The following KLC2 variants were observed in gnomAD, a reference collection of about 807,000 sequenced individuals.
KLC2 encodes kinesin light chain 2.
A neutral mutation model predicts 75.1 loss-of-function variants in KLC2; 35 were observed. The observed-to-expected ratio is 0.47, with a 90% CI of 0.36 to 0.62. KLC2 has a LOEUF of 0.62. Among genes scored for constraint, KLC2 ranks in the 20% least tolerant of loss-of-function variants. The pLI, the probability that KLC2 is intolerant of heterozygous loss-of-function variation, is 0.00. For synonymous variants in KLC2, 314 were observed against 336.7 expected, an observed-to-expected ratio of 0.93 and a Z score of 0.74; for missense variants, 611 against 833.2, an observed-to-expected ratio of 0.73 and a Z score of 3.28.
chr11:66,252,324 C>T (rs1214074927), upstream of KLC2, among the ~76,000 whole-genome samples: 1 of 152,160 alleles, frequency 6.6e-6, no homozygotes, highest in African/African-American at 2.4e-5. Flanking sequence ...CTCGCTCTGT[C>T]CCCCAGGCTG....
At chr11:66,247,548 C>T in the KLC2 span, among the ~76,000 whole-genome samples, 2 of 152,326 alleles carry the variant, frequency 1.3e-5, no homozygotes, top group South Asian at 4.1e-4. Flanking sequence ...CTGCTGCCCT[C>T]AGGCCCGTGT....
chr11:66,267,193 G>A lies in KLC2; in HGVS notation c.*237G>A, dbSNP rs796472372. The A allele has an allele frequency of 6.5e-7, 1 of 1,549,638 alleles. No individual in the cohort carries two copies. The highest frequency in any genetic ancestry group is 8.7e-7 in the Non-Finnish European group (1 of 1,146,418). On this transcript the variant is annotated 3_prime_UTR_variant, in exon 16 of 16. Transcript: ENST00000394067. ...CAGCAGGGCCCTCTTCCCTAGGTTC[G>A]GGCCAGCAGGAGGTGCCGGCTGGAG...
At position 66,267,060 on chromosome 11, in the gene KLC2, C is replaced by T; in HGVS notation, c.*104C>T. On this transcript the variant is annotated 3_prime_UTR_variant, in exon 16 of 16. Coordinates refer to ENST00000394067, the MANE Select transcript of KLC2 (RefSeq NM_001318734.2). ...TTGTCCCGCCTGTCTCTCCCACAGC[C>T]CCTGTCTTTTCTGTTCAATCTCAGG... 6.4e-7 allele frequency: 1 copy of T among 1,573,138 alleles called. No individual in the cohort carries two copies.
intron 9 of KLC2, chr11:66,264,715 GC>G: frequency 1.7e-6 from 1 of 583,472 alleles, no homozygotes; most frequent in Non-Finnish European, 3.1e-6. Context: ...TTGAGGGCCT[GC>G]CCCAGTGTCT....
the KLC2 span, among the ~76,000 whole-genome samples, chr11:66,250,963 C>T: frequency 6.6e-6 from 1 of 152,204 alleles, no homozygotes; most frequent in African/African-American, 2.4e-5. Flanking sequence ...GGGGAGCTGG[C>T]GAAGGGACCT....
intron 5 of KLC2, 25 bp downstream of exon 5, chr11:66,263,061 A>G (rs1457148083): frequency 1.3e-6 from 2 of 1,563,158 alleles, no homozygotes; most frequent in South Asian, 1.1e-5. Context: ...GGGGTGCCCA[A>G]ATTCTTCTGG....
At chr11:66,262,256 C>A in intron 4 of KLC2, 64 bp downstream of exon 4, 2 of 1,303,118 alleles carry the variant, frequency 1.5e-6, no homozygotes, top group Non-Finnish European at 2.2e-6. Flanking sequence ...TCCTTGGGAC[C>A]GAGTGGCTGC....
Position 66,263,176 on chromosome 11 carries a change from G to GT in KLC2, c.752+141dup, listed in dbSNP as rs945750246. 3.4e-5 allele frequency: 22 copies of GT among 641,750 alleles called. No individual in the cohort carries two copies. In the Admixed American group the frequency reaches 4.7e-4, roughly 14 times the overall value. The allele number at this position is 641,750 out of a possible 1,614,324, so 39.8% of individuals were successfully genotyped here. On this transcript the variant is annotated intron_variant, in intron 5 of 15. Transcript: ENST00000394067. ...ACAGATGCAAGTAAAACTGTCTAGT[G>GT]TAAGAGAGAGGCTTGGCCAGAACTG...
chr11:66,266,277 A>C, intron 14 of KLC2, 60 bp downstream of exon 14: 1 of 1,552,954 alleles, frequency 6.4e-7, no homozygotes, highest in Admixed American at 1.8e-5. Context: ...TGAGCTCCTG[A>C]CCCAGAGTGT....
In KLC2 at chr11:66,264,388, C is replaced by A; in HGVS notation, c.1160C>A (p.Thr387Asn). The A allele has an allele frequency of 6.2e-7, 1 of 1,613,678 alleles. No individual in the cohort carries two copies. Among genetic ancestry groups the A allele is most frequent in the Non-Finnish European group, 8.5e-7 (1 of 1,179,846 alleles). ...CAGGGCAAGTACCAGGATGCGGAGA[C>A]CTTGTACAAGGAGATCCTCACCCGC... is the stretch of plus-strand genomic sequence containing the variant. ...LKQGKYQDAE[T>N]LYKEILTRAH... Residue 387 changes from threonine to asparagine, a missense_variant, in exon 9 of 16, where the codon ACC becomes AAC. Coordinates refer to ENST00000394067, the MANE Select transcript of KLC2 (RefSeq NM_001318734.2).
upstream of KLC2, among the ~76,000 whole-genome samples, chr11:66,253,605 G>A (rs542830046): frequency 7.9e-5 from 12 of 152,358 alleles, no homozygotes; most frequent in African/African-American, 2.9e-4. Context: ...TCAGCAGCCT[G>A]GCATGAGATC....
At chr11:66,252,514 C>A (rs1255451332), upstream of KLC2, among the ~76,000 whole-genome samples, 1 of 152,178 alleles carries the variant, frequency 6.6e-6, no homozygotes, top group East Asian at 1.9e-4. Flanking sequence ...CCCCCCGCCT[C>A]GGCCTCCCAA....
intron 1 of KLC2, chr11:66,258,338 G>C: frequency 1.9e-6 from 1 of 535,838 alleles, no homozygotes; most frequent in South Asian, 2.1e-5. Context: ...AGCCGCCTAA[G>C]TCGGCCTGAG....
chr11:66,249,833 C>T, the KLC2 span, among the ~76,000 whole-genome samples: 3 of 152,122 alleles, frequency 2.0e-5, no homozygotes, highest in African/African-American at 7.2e-5. Context: ...ACTCATCCTG[C>T]GCCGCCCCTC....
At position 66,267,753 on chromosome 11, in the gene KLC2, G is replaced by A; in HGVS notation, c.*797G>A. The A allele has an allele frequency of 2.2e-6, 1 of 459,082 alleles. No individual in the cohort carries two copies. The highest frequency in any genetic ancestry group is 3.8e-6 in the Non-Finnish European group (1 of 261,706). The allele number at this position is 459,082 out of a possible 1,614,324, so 28.4% of individuals were successfully genotyped here. On this transcript the variant is annotated 3_prime_UTR_variant, in exon 16 of 16. Coordinates refer to ENST00000394067, the MANE Select transcript of KLC2 (RefSeq NM_001318734.2). ...CCCACGCCTGCAGCTTCTCGCGAGG[G>A]GCGGCGACGGTCCCCTGGTGGCAGG...
the KLC2 span, among the ~76,000 whole-genome samples, chr11:66,250,226 G>C: frequency 6.6e-6 from 1 of 152,212 alleles, no homozygotes; most frequent in Non-Finnish European, 1.5e-5. Context: ...ATTACCTGCA[G>C]CAAATGTCTC....
At chr11:66,261,484 T>C (rs943187808) in intron 2 of KLC2, 1 of 462,202 alleles carries the variant, frequency 2.2e-6, no homozygotes, top group Non-Finnish European at 3.9e-6. Flanking sequence ...GCACCCCAAC[T>C]AGCCCTTTTG....
At chr11:66,251,360 CG>C in the KLC2 span, among the ~76,000 whole-genome samples, 1 of 134,262 alleles carries the variant, frequency 7.4e-6, no homozygotes, top group African/African-American at 2.6e-5. Context: ...GGCATAGTGG[CG>C]GGCACCTGTA....
chr11:66,267,535 C>T lies in KLC2; in HGVS notation c.*579C>T, dbSNP rs1856925841. The T allele has an allele frequency of 6.1e-6, 4 of 655,302 alleles. No homozygotes were observed. The highest frequency in any genetic ancestry group is 2.8e-6 in the Non-Finnish European group (1 of 353,250). The allele number at this position is 655,302 out of a possible 1,614,324, so 40.6% of individuals were successfully genotyped here. A position where few individuals can be genotyped will look rare whatever the true frequency, so the allele number is the denominator to read the frequency against. On this transcript the variant is annotated 3_prime_UTR_variant, in exon 16 of 16. Coordinates refer to ENST00000394067, the MANE Select transcript of KLC2 (RefSeq NM_001318734.2). The stretch of plus-strand genomic sequence containing the variant: ...TGGGACCTTCTCGCGCTCCTCCTGG[C>T]CTCTGAGGGATGCGTCCTACCCGCG...
Sources: gnomAD v4.1 joint callset for allele counts (sites outside exome capture counted in the v4.1 genomes callset) on GRCh38, gnomAD v4.1.1 for gene constraint, MANE v1.5 for transcripts, NCBI Gene and HGNC (gene_info 2026-07-23, HGNC 2026-07-21) for gene names.